RARB: variants seen among roughly 807,000 people sequenced by gnomAD.
The protein encoded by RARB is HBV-activated protein.
RARB carries 17 observed loss-of-function variants against 51.9 expected under a neutral mutation model. That is an observed-to-expected ratio of 0.33 (90% CI 0.22 to 0.49). RARB has a LOEUF of 0.49. RARB is among the 20% of genes least tolerant of loss of function. The probability of loss-of-function intolerance (pLI) is 0.99; values close to 1 mark genes in which losing one functional copy is unlikely to be tolerated. For synonymous variants in RARB, 215 were observed against 195.4 expected (o/e 1.10, Z -0.84); for missense variants, 369 against 550.8 (o/e 0.67, Z 3.30).
At chr3:25,247,070 C>A (rs1172716559) in intron 5 of RARB, among the ~76,000 whole-genome samples, 1 of 152,218 alleles carries the variant, frequency 6.6e-6, no homozygotes, top group African/African-American at 2.4e-5. Flanking sequence ...CTTTGTGGAG[C>A]TGCAGTGGGC....
intron 3 of RARB, among the ~76,000 whole-genome samples, chr3:25,076,227 G>A (rs1235508184): frequency 2.0e-5 from 3 of 151,250 alleles, no homozygotes; most frequent in Non-Finnish European, 2.9e-5. Flanking sequence ...CGCAAGCTCC[G>A]CCTCCCGGGT....
At chr3:25,488,522 A>C (rs545967451) in intron 2 of RARB, among the ~76,000 whole-genome samples, 1 of 148,760 alleles carries the variant, frequency 6.7e-6, no homozygotes, top group Admixed American at 6.6e-5. Flanking sequence ...ATTAGGCTGA[A>C]ACACCCCCAA....
intron 5 of RARB, among the ~76,000 whole-genome samples, chr3:25,241,803 T>C (rs915022970): frequency 1.3e-5 from 2 of 152,212 alleles, no homozygotes; most frequent in African/African-American, 4.8e-5. Context: ...GCAGAATGAT[T>C]TATAATCCTT....
intron 1 of RARB, among the ~76,000 whole-genome samples, chr3:25,450,369 T>A (rs1418709809): frequency 6.6e-6 from 1 of 152,190 alleles, no homozygotes; most frequent in East Asian, 1.9e-4. Flanking sequence ...AAAGTGTAAA[T>A]CCTGCAATGT....
intron 5 of RARB, among the ~76,000 whole-genome samples, chr3:25,286,510 C>T (rs1298702795): frequency 6.6e-6 from 1 of 152,218 alleles, no homozygotes; most frequent in Non-Finnish European, 1.5e-5. Context: ...CTTTCTTCTT[C>T]AGTGTGTCCT....
intron 2 of RARB, among the ~76,000 whole-genome samples, chr3:24,977,136 C>T (rs574284838): frequency 3.6e-4 from 55 of 152,152 alleles, no homozygotes; most frequent in African/African-American, 1.2e-3. Context: ...GTTTTGGTAC[C>T]GGTACCATGC....
intron 5 of RARB, among the ~76,000 whole-genome samples, chr3:25,349,080 T>G (rs1396830517): frequency 1.3e-5 from 2 of 152,174 alleles, no homozygotes; most frequent in Non-Finnish European, 2.9e-5. Context: ...ATTCATGTCC[T>G]ACATTTCCCT....
intron 5 of RARB, among the ~76,000 whole-genome samples, chr3:25,588,141 G>C (rs1469015267): frequency 3.3e-5 from 5 of 152,172 alleles, no homozygotes; most frequent in Admixed American, 6.5e-5. Flanking sequence ...AAGAAAACAG[G>C]GTGGTGGTTT....
rs145098000 is a variant in RARB, at chr3:25,360,033, T to G, written c.179-101160T>G. 1.7e-3 allele frequency among the ~76,000 whole-genome samples: 254 copies of G among 152,322 alleles called. 5 individuals are homozygous for G. The highest frequency in any genetic ancestry group is 9.6e-4 in the East Asian group (5 of 5,182). On this transcript the variant is annotated intron_variant, in intron 5 of 11. Transcript: ENST00000383772. ...GAGTTCAAGTCCTGAATATCCTTGT[T>G]AATATTCTGTGTCATTGATCTGTCT...
At chr3:25,374,499 T>C (rs1004980764) in intron 5 of RARB, among the ~76,000 whole-genome samples, 1 of 152,138 alleles carries the variant, frequency 6.6e-6, no homozygotes, top group Non-Finnish European at 1.5e-5. Context: ...TACCAAATCA[T>C]GGAGAGTATA....
At chr3:25,069,567 A>G (rs909597542) in intron 3 of RARB, among the ~76,000 whole-genome samples, 1 of 152,228 alleles carries the variant, frequency 6.6e-6, no homozygotes, top group African/African-American at 2.4e-5. Flanking sequence ...GTCTGTCTCA[A>G]AAATTCCTCA....
rs1491372969 is a variant in RARB, at chr3:25,456,682, T to TATAGAGAG, written c.158-4510_158-4509insTAGAGAGA. 1.3e-3 allele frequency among the ~76,000 whole-genome samples: 119 copies of TATAGAGAG among 88,352 alleles called. 1 individual carries two copies. Among genetic ancestry groups the TATAGAGAG allele is most frequent in the Non-Finnish European group, 1.9e-3 (87 of 46,570 alleles). 58.0% of individuals were successfully genotyped at this position (88,352 alleles called of 152,430 possible). A position where few individuals can be genotyped will look rare whatever the true frequency, so the allele number is the denominator to read the frequency against. On this transcript the variant is annotated intron_variant, in intron 1 of 7. Transcript: ENST00000330688. ...TTGAATATATATATATATATATATA[T>TATAGAGAG]AGAGAGAGAGAGAGAGAGAGAGAGA...
intron 1 of RARB, among the ~76,000 whole-genome samples, chr3:25,443,102 T>A (rs1259308828): frequency 6.6e-6 from 1 of 152,128 alleles, no homozygotes; most frequent in Non-Finnish European, 1.5e-5. Flanking sequence ...ACACAGTAGG[T>A]GCTCAGAAAT....
At chr3:25,220,494 C>G (rs1013340433) in intron 5 of RARB, among the ~76,000 whole-genome samples, 1 of 152,108 alleles carries the variant, frequency 6.6e-6, no homozygotes, top group African/African-American at 2.4e-5. Context: ...ATTATAATCC[C>G]CATAATTCCC....
chr3:25,392,408 A>G (rs11717239), intron 5 of RARB, among the ~76,000 whole-genome samples: 25,366 of 151,754 alleles, frequency 0.17, 2,409 homozygotes, highest in Admixed American at 0.3. Flanking sequence ...TTAAGATTGT[A>G]TATTTTAGTT....
At chr3:25,160,809 T>A (rs1210381644) in intron 4 of RARB, among the ~76,000 whole-genome samples, 1 of 152,178 alleles carries the variant, frequency 6.6e-6, no homozygotes, top group Non-Finnish European at 1.5e-5. Flanking sequence ...CTTGTTTCCT[T>A]GCCCTTTTCA....
At chr3:25,245,141 G>C (rs111500656) in intron 5 of RARB, among the ~76,000 whole-genome samples, 1,750 of 150,464 alleles carry the variant, frequency 0.012, 27 homozygotes, top group African/African-American at 0.04. Context: ...TGTTTTTTTT[G>C]CTTTCCATTT....
chr3:24,887,423 G>A (rs143477901), intron 2 of RARB, among the ~76,000 whole-genome samples: 39 of 152,306 alleles, frequency 2.6e-4, no homozygotes, highest in African/African-American at 9.1e-4. Flanking sequence ...GCTGAGGCTG[G>A]CTTCTCTGTC....
chr3:25,173,699 C>G (rs544051175), intron 4 of RARB, among the ~76,000 whole-genome samples: 1 of 152,200 alleles, frequency 6.6e-6, no homozygotes, highest in Non-Finnish European at 1.5e-5. Flanking sequence ...TACTCAGGGT[C>G]TATCCCTTGT....
Sources: allele counts gnomAD v4.1 joint callset (sites outside exome capture counted in the v4.1 genomes callset), GRCh38; gene constraint gnomAD v4.1.1; transcripts MANE v1.5; gene names NCBI Gene and HGNC (gene_info 2026-07-23, HGNC 2026-07-21).